Variants in DGKI observed in about 807,000 individuals in gnomAD.
The protein encoded by DGKI is DAG kinase iota.
DGKI carries 55 observed loss-of-function variants against 147.5 expected under a neutral mutation model. The ratio of observed to expected loss-of-function variants is 0.37; its 90% CI spans 0.30 to 0.47. DGKI has a LOEUF of 0.47. Among genes scored for constraint, DGKI ranks in the 20% least tolerant of loss-of-function variants. The probability of loss-of-function intolerance (pLI) is 1.00; values close to 1 mark genes in which losing one functional copy is unlikely to be tolerated. For synonymous variants in DGKI, 469 were observed against 477.1 expected, an observed-to-expected ratio of 0.98 and a Z score of 0.22; for missense variants, 1,007 against 1,323.8, an observed-to-expected ratio of 0.76 and a Z score of 3.71.
At position 137,487,979 on chromosome 7, in the gene DGKI, C is replaced by T. The variant is rs146649605; in HGVS notation, c.2249-290G>A. On this transcript the variant is annotated intron_variant, in intron 21 of 32. Transcript: ENST00000614521. ...GAGATGAAGTGAATTGTCGCAGTAA[C>T]GATGGATTGGCAGAACAGGGAGGCT... is the stretch of plus-strand genomic sequence containing the variant. 4.2e-3 allele frequency among the ~76,000 whole-genome samples: 645 copies of T among 152,212 alleles called. 2 individuals carry two copies. The highest frequency in any genetic ancestry group is 0.015 in the African/African-American group (618 of 41,532).
rs185513464 is a variant in DGKI, at chr7:137,424,400, G to A, written c.2762-12193C>T. 2.4e-3 allele frequency among the ~76,000 whole-genome samples: 359 copies of A among 152,242 alleles called. 9 individuals are homozygous for A. Among genetic ancestry groups the A allele is most frequent in the Admixed American group, 0.022 (336 of 15,298 alleles). On this transcript the variant is annotated intron_variant, in intron 28 of 32. Transcript: ENST00000614521. ...TCATATATTCTTAAGAAAAAGAGAG[G>A]GGTCGAGCCAAGGTGGCCGAATATG...
chr7:137,572,933 C>A, intron 17 of DGKI, 95 bp from the exon 18 acceptor site: 2 of 808,742 alleles, frequency 2.5e-6, no homozygotes, highest in East Asian at 2.5e-5. Flanking sequence ...ACACCATGGT[C>A]TCTTTCTCCT....
At chr7:137,459,461 A>G (rs1814334549) in intron 27 of DGKI, among the ~76,000 whole-genome samples, 1 of 147,004 alleles carries the variant, frequency 6.8e-6, no homozygotes, top group African/African-American at 2.6e-5. Context: ...TTTTCAACGA[A>G]TTTTTTAAAT....
At chr7:137,443,452 A>G (rs1412068514) in intron 28 of DGKI, among the ~76,000 whole-genome samples, 1 of 152,224 alleles carries the variant, frequency 6.6e-6, no homozygotes, top group Non-Finnish European at 1.5e-5. Flanking sequence ...TACATAGCAT[A>G]ACTGATCATT....
intron 26 of DGKI, 136 bp from the exon 27 acceptor site, chr7:137,463,747 A>T: frequency 1.1e-6 from 1 of 912,150 alleles, no homozygotes; most frequent in Non-Finnish European, 1.6e-6. Flanking sequence ...ACCAGATACT[A>T]CCCATTTATT....
intron 6 of DGKI, among the ~76,000 whole-genome samples, chr7:137,626,033 C>A (rs529034264): frequency 1.3e-5 from 2 of 152,284 alleles, no homozygotes; most frequent in South Asian, 4.1e-4. Context: ...TTAGGCACAT[C>A]CTGTGTGACT....
chr7:137,585,445 T>C (rs1819358643), intron 13 of DGKI, 99 bp from the exon 14 acceptor site: 4 of 1,427,876 alleles, frequency 2.8e-6, no homozygotes, highest in Non-Finnish European at 3.7e-6. Context: ...ATATTGTTTA[T>C]TTTATAATTA....
chr7:137,636,765 C>T (rs987813265), intron 6 of DGKI, among the ~76,000 whole-genome samples: 1 of 152,216 alleles, frequency 6.6e-6, no homozygotes, highest in Non-Finnish European at 1.5e-5. Flanking sequence ...CTATGAGTGG[C>T]TTGGTGCTGC....
At chr7:137,677,556 G>A (rs1396660701) in intron 3 of DGKI, among the ~76,000 whole-genome samples, 1 of 152,178 alleles carries the variant, frequency 6.6e-6, no homozygotes, top group Non-Finnish European at 1.5e-5. Context: ...GGGACTTTGT[G>A]CTTTTAGGCA....
chr7:137,789,305 T>TA (rs1278883391), intron 1 of DGKI, among the ~76,000 whole-genome samples: 1 of 151,800 alleles, frequency 6.6e-6, no homozygotes, highest in Non-Finnish European at 1.5e-5. Context: ...AGAGGTTTTT[T>TA]TAAAAAAAAT....
intron 27 of DGKI, chr7:137,454,889 T>C (rs1342182407): frequency 6.6e-6 from 1 of 152,184 alleles, no homozygotes; most frequent in African/African-American, 2.4e-5. Flanking sequence ...CTTCTTTTTT[T>C]TCTTTTTAAG....
At chr7:137,586,394 C>T (rs1316068025) in intron 13 of DGKI, among the ~76,000 whole-genome samples, 1 of 151,230 alleles carries the variant, frequency 6.6e-6, no homozygotes, top group African/African-American at 2.4e-5. Context: ...TACCACTGCA[C>T]TTTAGCCTGG....
At chr7:137,483,068 C>A (rs1815426653) in intron 23 of DGKI, among the ~76,000 whole-genome samples, 1 of 152,122 alleles carries the variant, frequency 6.6e-6, no homozygotes, top group Admixed American at 6.6e-5. Context: ...AGAAAAATAT[C>A]ATTAATCCTT....
chr7:137,824,161 G>GA (rs1475620060), intron 1 of DGKI, among the ~76,000 whole-genome samples: 6 of 152,090 alleles, frequency 3.9e-5, no homozygotes, highest in Non-Finnish European at 8.8e-5. Context: ...TGCAGAATCA[G>GA]AAAAAACAGT....
chr7:137,422,037 C>G (rs1038504814), intron 28 of DGKI, among the ~76,000 whole-genome samples: 8 of 152,312 alleles, frequency 5.3e-5, no homozygotes, highest in Middle Eastern at 3.4e-3. Context: ...CAAAACACCA[C>G]TGCAACTATC....
intron 3 of DGKI, among the ~76,000 whole-genome samples, chr7:137,676,163 G>C (rs1305654828): frequency 1.3e-5 from 2 of 152,190 alleles, no homozygotes; most frequent in Admixed American, 6.5e-5. Context: ...GTGAAGGACA[G>C]TGTATCTACT....
intron 7 of DGKI, 87 bp from the exon 8 acceptor site, chr7:137,620,027 AC>A: frequency 1.4e-6 from 1 of 701,508 alleles, no homozygotes; most frequent in Non-Finnish European, 2.4e-6. Context: ...ACGCACACAC[AC>A]ACACACACAC....
At chr7:137,602,146 G>GA (rs1820012551) in intron 10 of DGKI, among the ~76,000 whole-genome samples, 1 of 152,122 alleles carries the variant, frequency 6.6e-6, no homozygotes, top group Non-Finnish European at 1.5e-5. Flanking sequence ...ATTTCCAACT[G>GA]ACTTGCTAGA....
At chr7:137,691,733 G>T (rs1393987218) in intron 1 of DGKI, among the ~76,000 whole-genome samples, 1 of 150,034 alleles carries the variant, frequency 6.7e-6, no homozygotes, top group African/African-American at 2.4e-5. Flanking sequence ...AAGAATCCAG[G>T]ATTGTGCAAC....
Sources: gnomAD v4.1 joint callset for allele counts (sites outside exome capture counted in the v4.1 genomes callset) on GRCh38, gnomAD v4.1.1 for gene constraint, MANE v1.5 for transcripts, NCBI Gene and HGNC (gene_info 2026-07-23, HGNC 2026-07-21) for gene names.